The following SLC17A9 variants were observed in gnomAD, a reference collection of about 807,000 sequenced individuals.
SLC17A9 encodes voltage-gated purine nucleotide uniporter SLC17A9.
Under a neutral mutation model 55.0 loss-of-function variants are expected in SLC17A9, and 49 were observed. That is an observed-to-expected ratio of 0.89 (90% confidence interval 0.71 to 1.13). The LOEUF (loss-of-function observed/expected upper bound fraction) is 1.13. SLC17A9 is among the 50% of genes most tolerant of loss of function. The pLI is 0.00. For missense variants in SLC17A9, 526 were observed against 569.3 expected, an observed-to-expected ratio of 0.92 and a Z score of 0.77; for synonymous variants, 256 against 247.4, an observed-to-expected ratio of 1.03 and a Z score of -0.32.
chr20:62,955,774 C>G (rs1426024690), intron 1 of SLC17A9, among the ~76,000 whole-genome samples: 1 of 152,202 alleles, frequency 6.6e-6, no homozygotes, highest in Non-Finnish European at 1.5e-5. Flanking sequence ...GGGTATCAAC[C>G]ACGCCAGGAC....
chr20:62,965,161 A>G lies in SLC17A9; in HGVS notation c.940A>G (p.Met314Val). The change falls in exon 9 of 13, where the codon ATG becomes GTG. Residue 314 changes from methionine to valine, a missense_variant. By Grantham distance (21) the Met-to-Val change is conservative (BLOSUM62 1). Coordinates refer to ENST00000370351, the MANE Select transcript of SLC17A9 (RefSeq NM_022082.4). The stretch of plus-strand genomic sequence containing the variant: ...CAGAGCCATCACGGTGCGGAAGCTC[A>G]TGCAGGTAGGAGAATCATTCCGGTC... ...GYRAITVRKL[M>V]QGMGLGLSSV... 1.2e-6 allele frequency: 2 copies of G among 1,612,724 alleles called. No homozygotes were observed. The highest frequency in any genetic ancestry group is 1.7e-6 in the Non-Finnish European group (2 of 1,178,752).
chr20:62,957,561 C>T lies in SLC17A9; in HGVS notation c.378C>T (p.Ile126=). Residue 126 remains isoleucine (I), a synonymous_variant, in exon 3 of 13, where the codon ATC becomes ATT. Coordinates refer to ENST00000370351, the MANE Select transcript of SLC17A9 (RefSeq NM_022082.4). ...AHLAFMTFSR[I]LMGLLQGVYF... ...TGGCCTTCATGACCTTCTCACGCAT[C>T]CTCATGGGCTTGCTCCAAGGTAAGG... The T allele has an allele frequency of 2.5e-6, 4 of 1,577,808 alleles. No individual in the cohort carries two copies. The highest frequency in any genetic ancestry group is 1.2e-5 in the South Asian group (1 of 86,170).
intron 1 of SLC17A9, among the ~76,000 whole-genome samples, chr20:62,956,357 C>A (rs1047355539): frequency 3.8e-4 from 58 of 152,190 alleles, no homozygotes; most frequent in African/African-American, 1.4e-3. Flanking sequence ...CAGCTCCCCG[C>A]AGGGGCAGAC....
chr20:62,961,107 T>TCATC (rs1274856004), intron 4 of SLC17A9, among the ~76,000 whole-genome samples: 1 of 4,100 alleles, frequency 2.4e-4, no homozygotes, highest in African/African-American at 6.0e-4. Flanking sequence ...CGGCTTGTCC[T>TCATC]CAGGGTGGGC....
chr20:62,954,067 G>C, intron 1 of SLC17A9, among the ~76,000 whole-genome samples: 1 of 141,028 alleles, frequency 7.1e-6, no homozygotes, highest in Non-Finnish European at 1.5e-5. Context: ...TTAAAAAGGA[G>C]CCCTTGCCGC....
At chr20:62,956,192 C>G (rs2065535384) in intron 1 of SLC17A9, among the ~76,000 whole-genome samples, 1 of 152,218 alleles carries the variant, frequency 6.6e-6, no homozygotes, top group South Asian at 2.1e-4. Context: ...TGGTCAGTGC[C>G]CGACTTGGTG....
At chr20:62,964,379 C>T in intron 8 of SLC17A9, 64 bp downstream of exon 8, 1 of 1,503,082 alleles carries the variant, frequency 6.7e-7, no homozygotes, top group Non-Finnish European at 9.3e-7. Flanking sequence ...TTTCGAGGGG[C>T]AGGATGCTCC....
chr20:62,961,442 C>T (rs1230384391), intron 4 of SLC17A9, among the ~76,000 whole-genome samples: 1 of 152,196 alleles, frequency 6.6e-6, no homozygotes, highest in Non-Finnish European at 1.5e-5. Flanking sequence ...GCGCCCGCTC[C>T]TTGGGGAGCT....
chr20:62,957,978 G>C (rs1455898754), intron 3 of SLC17A9, among the ~76,000 whole-genome samples: 1 of 152,152 alleles, frequency 6.6e-6, no homozygotes, highest in Non-Finnish European at 1.5e-5. Context: ...GTATGTTTGT[G>C]CTTGTGCGTG....
At chr20:62,964,585 C>G (rs2065618420) in intron 8 of SLC17A9, among the ~76,000 whole-genome samples, 1 of 152,210 alleles carries the variant, frequency 6.6e-6, no homozygotes, top group Non-Finnish European at 1.5e-5. Flanking sequence ...TCAGAGGTTA[C>G]AAGCATCCTT....
intron 3 of SLC17A9, among the ~76,000 whole-genome samples, chr20:62,957,973 TTTGTGC>T (rs1174675995): frequency 3.3e-5 from 5 of 150,060 alleles, no homozygotes; most frequent in South Asian, 4.1e-4. Context: ...TGCATGTATG[TTTGTGC>T]TTGTGCGTGT....
At position 62,963,688 on chromosome 20, in the gene SLC17A9, G is replaced by C. The variant is rs759691364; in HGVS notation, c.822+8G>C. On this transcript the variant is annotated splice_region_variant and intron_variant, in intron 7 of 12. Coordinates refer to ENST00000370351, the MANE Select transcript of SLC17A9 (RefSeq NM_022082.4). ...ACCTTCCCCGACGCCAAGGTGAGTC[G>C]GGGGCTCCCGCAGGGTGAAGGAGCG... 2 of 1,576,578 alleles carry C rather than the reference G, an allele frequency of 1.3e-6. No individual in the cohort carries two copies. The highest frequency in any genetic ancestry group is 1.7e-6 in the Non-Finnish European group (2 of 1,161,328).
At position 62,963,374 on chromosome 20, in the gene SLC17A9, G is replaced by T. The variant is rs377162440; in HGVS notation, c.725+5G>T. The T allele has an allele frequency of 3.1e-6, 5 of 1,612,930 alleles. No homozygotes were observed. In the African/African-American group the frequency reaches 6.7e-5, roughly 22 times the overall value. On this transcript the variant is annotated splice_donor_5th_base_variant and intron_variant, in intron 6 of 12. Transcript: ENST00000370351. ...CTTCCGGAAGCCTGCTGTCTGGTGA[G>T]CTGGGACCTGTGCCACCCCTTGGAG...
chr20:62,963,853 G>C, intron 7 of SLC17A9, 173 bp downstream of exon 7: 1 of 643,318 alleles, frequency 1.6e-6, no homozygotes, highest in South Asian at 2.0e-5. Context: ...GTCCATGCTC[G>C]GGGCAGGTTT....
At chr20:62,955,102 G>A (rs2065525011) in intron 1 of SLC17A9, among the ~76,000 whole-genome samples, 1 of 151,796 alleles carries the variant, frequency 6.6e-6, no homozygotes, top group South Asian at 2.1e-4. Context: ...GACCACAGGT[G>A]CACACCACCA....
At chr20:62,954,287 T>C (rs1449090140) in intron 1 of SLC17A9, among the ~76,000 whole-genome samples, 1 of 152,182 alleles carries the variant, frequency 6.6e-6, no homozygotes, top group Non-Finnish European at 1.5e-5. Flanking sequence ...TAGCCCGCCC[T>C]CCTGCAGCCA....
chr20:62,953,076 C>T (rs567073766), intron 1 of SLC17A9, 187 bp downstream of exon 1: 2 of 1,264,586 alleles, frequency 1.6e-6, no homozygotes, highest in African/African-American at 1.5e-5. Context: ...TCCTTCCTCC[C>T]TGCCATGAGA....
chr20:62,959,887 C>T (rs1217162638), intron 3 of SLC17A9, among the ~76,000 whole-genome samples: 1 of 152,208 alleles, frequency 6.6e-6, no homozygotes, highest in Non-Finnish European at 1.5e-5. Flanking sequence ...GGCTCAGAGC[C>T]CTCTGGATGT....
intron 1 of SLC17A9, 94 bp downstream of exon 1, chr20:62,952,983 G>T: frequency 2.2e-6 from 3 of 1,360,554 alleles, no homozygotes; most frequent in Admixed American, 2.3e-5. Flanking sequence ...GATGCTAGGT[G>T]GGGAGGGCTG....
Sources: allele counts gnomAD v4.1 joint callset (sites outside exome capture counted in the v4.1 genomes callset), GRCh38; gene constraint gnomAD v4.1.1; transcripts MANE v1.5; gene names NCBI Gene and HGNC (gene_info 2026-07-23, HGNC 2026-07-21).